Variants in SAMD3 observed in about 807,000 individuals in gnomAD.
SAMD3 encodes sterile alpha motif domain containing 3.
Under a neutral mutation model 58.5 loss-of-function variants are expected in SAMD3, and 63 were observed. That is an observed-to-expected ratio of 1.08 (90% CI 0.88 to 1.33). The LOEUF is 1.33. SAMD3 is among the 40% of genes most tolerant of loss of function. SAMD3 has a pLI of 0.00. For missense variants in SAMD3, 604 were observed against 608.4 expected (o/e 0.99, Z 0.08); for synonymous variants, 220 against 210.3 (o/e 1.05, Z -0.40).
chr6:130,240,516 T>C (rs1209742825), intron 2 of SAMD3, among the ~76,000 whole-genome samples: 4 of 152,256 alleles, frequency 2.6e-5, no homozygotes, highest in Admixed American at 2.6e-4. Flanking sequence ...TCTAAATCAA[T>C]TTAGGAAAAG....
At chr6:130,337,184 G>C (rs1777126033) in intron 1 of SAMD3, among the ~76,000 whole-genome samples, 1 of 152,134 alleles carries the variant, frequency 6.6e-6, no homozygotes, top group African/African-American at 2.4e-5. Context: ...GATCATGGGG[G>C]TGGTTTCCCC....
chr6:130,174,889 G>A (rs2114665631), intron 8 of SAMD3, among the ~76,000 whole-genome samples: 1 of 152,276 alleles, frequency 6.6e-6, no homozygotes, highest in South Asian at 2.1e-4. Context: ...GCATGATGCT[G>A]GGATAAGTGG....
At chr6:130,333,442 T>C (rs1777004686) in intron 1 of SAMD3, among the ~76,000 whole-genome samples, 1 of 152,170 alleles carries the variant, frequency 6.6e-6, no homozygotes, top group African/African-American at 2.4e-5. Context: ...GAGATGTATA[T>C]TGTAACTTAA....
intron 2 of SAMD3, among the ~76,000 whole-genome samples, chr6:130,281,045 A>G (rs948077313): frequency 7.4e-6 from 1 of 135,354 alleles, no homozygotes; most frequent in African/African-American, 2.7e-5. Flanking sequence ...AGGCATACTA[A>G]GAGATTAACA....
chr6:130,170,231 T>C (rs1791115480), intron 8 of SAMD3, among the ~76,000 whole-genome samples: 1 of 152,206 alleles, frequency 6.6e-6, no homozygotes, highest in Admixed American at 6.5e-5. Context: ...TGGTGTGTGA[T>C]GTTCCCCTCC....
At chr6:130,347,346 G>A (rs566872411) in intron 1 of SAMD3, among the ~76,000 whole-genome samples, 16 of 152,158 alleles carry the variant, frequency 1.1e-4, no homozygotes, top group East Asian at 3.9e-4. Context: ...TTAGACAAAC[G>A]GCTAACTAGA....
chr6:130,166,720 T>A (rs189582047), intron 8 of SAMD3, among the ~76,000 whole-genome samples: 34 of 152,272 alleles, frequency 2.2e-4, no homozygotes, highest in Admixed American at 1.4e-3. Context: ...AGGCAATGGA[T>A]CTAAAGAGGT....
chr6:130,270,341 C>G lies in SAMD3; in HGVS notation c.-188+42637G>C, dbSNP rs150584866. 9.6e-4 allele frequency among the ~76,000 whole-genome samples: 146 copies of G among 152,332 alleles called. 1 individual carries two copies. The highest frequency in any genetic ancestry group is 1.4e-3 in the Non-Finnish European group (98 of 68,034). Reference sequence around the variant, plus strand: ...CTCCTGGCCTCAAGAGATTTGCCCACCTCAGCCTCCCAAAGTGCTGGGATT... The same window carrying G: ...CTCCTGGCCTCAAGAGATTTGCCCAGCTCAGCCTCCCAAAGTGCTGGGATT... On this transcript the variant is annotated intron_variant, in intron 2 of 13. Coordinates refer to the SAMD3 transcript ENST00000368134.
At chr6:130,167,203 A>AT (rs1358881442) in intron 8 of SAMD3, among the ~76,000 whole-genome samples, 1 of 152,236 alleles carries the variant, frequency 6.6e-6, no homozygotes, top group Non-Finnish European at 1.5e-5. Context: ...AAGAATCCTC[A>AT]TTTATGTTAA....
chr6:130,333,006 C>A (rs1030306299), intron 1 of SAMD3, among the ~76,000 whole-genome samples: 2 of 151,064 alleles, frequency 1.3e-5, no homozygotes, highest in Non-Finnish European at 2.9e-5. Context: ...GTGCTTATTT[C>A]CTCAATAAAG....
upstream of SAMD3, among the ~76,000 whole-genome samples, chr6:130,226,891 T>A (rs981753075): frequency 1.3e-5 from 2 of 152,236 alleles, no homozygotes; most frequent in Non-Finnish European, 2.9e-5. Context: ...CAAGGATTTT[T>A]CATAAAGCTA....
intron 2 of SAMD3, among the ~76,000 whole-genome samples, chr6:130,307,244 G>C (rs942864995): frequency 6.6e-6 from 1 of 152,234 alleles, no homozygotes; most frequent in African/African-American, 2.4e-5. Flanking sequence ...AAGGGCATGA[G>C]ATCTGTGCAG....
chr6:130,360,689 A>C (rs899123545), intron 1 of SAMD3, among the ~76,000 whole-genome samples: 5 of 152,202 alleles, frequency 3.3e-5, no homozygotes, highest in African/African-American at 9.6e-5. Flanking sequence ...GAGAGCAACC[A>C]GTCTGACCAA....
intron 8 of SAMD3, among the ~76,000 whole-genome samples, chr6:130,174,301 T>A (rs927051648): frequency 6.6e-6 from 1 of 152,088 alleles, no homozygotes; most frequent in East Asian, 1.9e-4. Flanking sequence ...AGGGCCCTGG[T>A]GGTGTAGGCA....
intron 8 of SAMD3, chr6:130,175,622 G>A: frequency 2.7e-6 from 1 of 369,846 alleles, no homozygotes; most frequent in East Asian, 4.3e-5. Context: ...AAAAAAACTG[G>A]ACACGAGATG....
intron 4 of SAMD3, 96 bp downstream of exon 4, chr6:130,214,239 TCA>T: frequency 1.0e-6 from 1 of 961,620 alleles, no homozygotes; most frequent in Non-Finnish European, 1.5e-6. Flanking sequence ...CTGAAAACGG[TCA>T]CAGTTTTCCA....
chr6:130,364,608 A>C (rs1778078774), intron 1 of SAMD3, among the ~76,000 whole-genome samples: 1 of 151,992 alleles, frequency 6.6e-6, no homozygotes, highest in Non-Finnish European at 1.5e-5. Context: ...TGTGGGCTAG[A>C]ATACTAGATG....
intron 2 of SAMD3, among the ~76,000 whole-genome samples, chr6:130,272,204 G>T (rs910431257): frequency 3.9e-5 from 6 of 152,070 alleles, no homozygotes; most frequent in Admixed American, 2.0e-4. Context: ...TTTTTCAAAT[G>T]GCTGACCATT....
At chr6:130,224,096 C>T (rs1032621369), upstream of SAMD3, among the ~76,000 whole-genome samples, 8 of 151,968 alleles carry the variant, frequency 5.3e-5, no homozygotes, top group East Asian at 1.4e-3. Flanking sequence ...GGAGTCAGGC[C>T]GCTCAGTGGC....
Sources: gnomAD v4.1 joint callset for allele counts (sites outside exome capture counted in the v4.1 genomes callset) on GRCh38, gnomAD v4.1.1 for gene constraint, MANE v1.5 for transcripts, NCBI Gene and HGNC (gene_info 2026-07-23, HGNC 2026-07-21) for gene names.